The following KLHL13 variants were observed in gnomAD, a reference collection of about 807,000 sequenced individuals.
KLHL13 encodes the protein kelch-like protein 13.
A neutral mutation model predicts 37.1 loss-of-function variants in KLHL13; 10 were observed. The ratio of observed to expected loss-of-function variants is 0.27; its 90% CI spans 0.17 to 0.46. The LOEUF is 0.46. Among genes scored for constraint, KLHL13 ranks in the 20% least tolerant of loss-of-function variants. KLHL13 has a pLI of 1.00. For missense variants in KLHL13, 360 were observed against 509.3 expected, an observed-to-expected ratio of 0.71 and a Z score of 2.82; for synonymous variants, 163 against 181.2, an observed-to-expected ratio of 0.90 and a Z score of 0.81.
chrX:118,030,989 A>T (rs1034410385), intron 1 of KLHL13, among the ~76,000 whole-genome samples: 4 of 111,783 alleles, frequency 3.6e-5, no homozygotes, highest in African/African-American at 1.3e-4. Flanking sequence ...GGATATTCTT[A>T]TTCAGATTCT....
chrX:118,047,649 A>G (rs1020304829), intron 1 of KLHL13, among the ~76,000 whole-genome samples: 6 of 111,947 alleles, frequency 5.4e-5, no homozygotes, highest in African/African-American at 1.6e-4. Context: ...GGAAACAAAT[A>G]AATGCTATTT....
rs751783731 is a variant in KLHL13 at position 117,901,928 on chromosome X, T to C, written c.1385A>G (p.Asn462Ser). The change falls in exon 6 of 7, where the codon AAT (asparagine) becomes AGT (serine). Residue 462 changes from asparagine to serine, a missense_variant. Coordinates refer to ENST00000262820, the Ensembl canonical transcript of KLHL13. The stretch of plus-strand genomic sequence containing the variant: ...ATAGGTCCATTCATTTGTTCTTGGA[T>C]TGTAACATTCTACTGTGGCTGTTAA... 2 of 1,153,020 alleles carry C rather than the reference T, an allele frequency of 1.7e-6. No homozygotes were observed. Among genetic ancestry groups the C allele is most frequent in the African/African-American group, 1.8e-5 (1 of 56,307 alleles).
exon 7 of KLHL13, chrX:117,898,566 A>G (rs1177204651): frequency 6.4e-6 from 1 of 155,710 alleles, no homozygotes; most frequent in Non-Finnish European, 1.2e-5. Flanking sequence ...TCCACCTTCA[A>G]CTTGGCTTAT....
rs769775359 is a variant in KLHL13 at position 117,930,216 on chromosome X, A to AGAAG, written c.241-9850_241-9847dup. 2.5e-4 allele frequency among the ~76,000 whole-genome samples: 22 copies of AGAAG among 89,720 alleles called. 1 individual carries two copies. The highest frequency in any genetic ancestry group is 7.2e-4 in the East Asian group (2 of 2,771). 77.9% of individuals were successfully genotyped at this position (89,720 alleles called of 115,157 possible). Reference sequence around the variant, plus strand: ...GGAGGGCAAGAAAGGATGAAAAGGAAGAAGGAAGGAAGGAAGGAAGGAAGG... The same window carrying AGAAG: ...GGAGGGCAAGAAAGGATGAAAAGGAAGAAGGAAGGAAGGAAGGAAGGAAGGAAGG... On this transcript the variant is annotated intron_variant, in intron 2 of 6. Transcript: ENST00000262820.
chrX:117,904,852 T>G (rs1182698622), intron 5 of KLHL13, among the ~76,000 whole-genome samples: 1 of 111,680 alleles, frequency 9.0e-6, no homozygotes, highest in African/African-American at 3.3e-5. Context: ...ATCTAGAGAA[T>G]TAACTTCAGT....
In KLHL13 at chrX:118,104,098, T is replaced by C. The variant is rs769053017; in HGVS notation, c.-56+12410A>G. Among the ~76,000 whole-genome samples the C allele has an allele frequency of 5.7e-5, 6 of 105,211 alleles. No individual in the cohort carries two copies. In the East Asian group the frequency reaches 1.8e-3, roughly 31 times the overall value. The allele number at this position is 105,211 out of a possible 115,157, so 91.4% of individuals were successfully genotyped here. A position where few individuals can be genotyped will look rare whatever the true frequency, so the allele number is the denominator to read the frequency against. ...AATGCCAGGCATGGTGATGTGCGCC[T>C]GTGTTCCCAGCTACTCAGGAGGTTG... On this transcript the variant is annotated intron_variant, in intron 1 of 6. Coordinates refer to the KLHL13 transcript ENST00000371882.
intron 1 of KLHL13, among the ~76,000 whole-genome samples, chrX:118,091,852 T>C (rs1404782280): frequency 2.7e-5 from 3 of 111,780 alleles, no homozygotes; most frequent in Non-Finnish European, 5.6e-5. Context: ...CATGGAATAC[T>C]ACTCAGACAT....
intron 1 of KLHL13, among the ~76,000 whole-genome samples, chrX:118,077,301 G>C (rs1215290160): frequency 9.0e-6 from 1 of 110,724 alleles, no homozygotes; most frequent in Non-Finnish European, 1.9e-5. Context: ...GTATGCAGTG[G>C]GAATCTACAA....
intron 1 of KLHL13, among the ~76,000 whole-genome samples, chrX:118,101,221 A>C (rs1322400848): frequency 8.9e-6 from 1 of 112,060 alleles, no homozygotes; most frequent in African/African-American, 3.2e-5. Flanking sequence ...TAGCTACTGG[A>C]AAATACTCTA....
In KLHL13 at chrX:117,953,765, TA is replaced by T. The variant is rs200592201; in HGVS notation, c.99-8191del. Among the ~76,000 whole-genome samples the T allele has an allele frequency of 5.8e-3, 641 of 111,135 alleles. 5 individuals are homozygous for T. Among genetic ancestry groups the T allele is most frequent in the African/African-American group, 0.018 (548 of 30,663 alleles). ...ACTTAGCATTTCAATGCTTAATTTA[TA>T]AGCACAAGGAGGATATCAGAGAGAT... On this transcript the variant is annotated intron_variant, in intron 1 of 6. Transcript: ENST00000262820.
At chrX:117,978,206 A>G (rs1311623617), upstream of KLHL13, among the ~76,000 whole-genome samples, 1 of 112,495 alleles carries the variant, frequency 8.9e-6, no homozygotes, top group African/African-American at 3.2e-5. Context: ...CAAAGGTATC[A>G]AGAAATATAA....
rs772140201 is a variant in KLHL13, at chrX:117,995,937, T to C, written c.-55-50362A>G. Among the ~76,000 whole-genome samples the C allele has an allele frequency of 1.3e-4, 14 of 111,776 alleles. No individual in the cohort carries two copies. The East Asian group carries it at 3.1e-3, about 25-fold the overall frequency. Reference sequence around the variant, plus strand: ...TGGGCATTTGAGCTCTTTCCACCTTTGGGTATTGTGAATAGTCCCTCCCTG... The same window carrying C: ...TGGGCATTTGAGCTCTTTCCACCTTCGGGTATTGTGAATAGTCCCTCCCTG... On this transcript the variant is annotated intron_variant, in intron 1 of 6. Coordinates refer to the KLHL13 transcript ENST00000371882.
intron 1 of KLHL13, among the ~76,000 whole-genome samples, chrX:118,077,008 G>A (rs2054936855): frequency 9.1e-6 from 1 of 109,490 alleles, no homozygotes; most frequent in Non-Finnish European, 1.9e-5. Context: ...GACTAACACA[G>A]GGAGAAACAT....
rs151196763 is a variant in KLHL13, at chrX:118,068,480, T to C, written c.-56+48028A>G. On this transcript the variant is annotated intron_variant, in intron 1 of 6. Transcript: ENST00000371882. ...TAGGACTCCATCACCCCATCCCCCA[T>C]GTGAGATAACCTGGGAACCAGAAGG... Among the ~76,000 whole-genome samples, 629 of 111,084 alleles carry C rather than the reference T, an allele frequency of 5.7e-3. 5 individuals carry two copies. The highest frequency in any genetic ancestry group is 0.018 in the African/African-American group (534 of 30,504).
chrX:117,909,181 G>A, intron 5 of KLHL13, 120 bp downstream of exon 6: 1 of 631,516 alleles, frequency 1.6e-6, no homozygotes, highest in Non-Finnish European at 2.4e-6. Context: ...CAGAAAAATA[G>A]TTTTAAAATA....
At chrX:118,054,522 C>G (rs2054665436) in intron 1 of KLHL13, among the ~76,000 whole-genome samples, 1 of 111,624 alleles carries the variant, frequency 9.0e-6, no homozygotes, top group Non-Finnish European at 1.9e-5. Context: ...TAGCTGAAAT[C>G]TAAAGTCCGT....
At chrX:118,043,323 T>C (rs1250540633) in intron 1 of KLHL13, among the ~76,000 whole-genome samples, 2 of 111,300 alleles carry the variant, frequency 1.8e-5, no homozygotes, top group African/African-American at 6.5e-5. Context: ...GAAGAAATAA[T>C]GCCAATCCTA....
At chrX:117,949,438 G>A (rs1017372745) in intron 1 of KLHL13, among the ~76,000 whole-genome samples, 3 of 111,690 alleles carry the variant, frequency 2.7e-5, no homozygotes, top group African/African-American at 9.8e-5. Context: ...GTTTTCTTCA[G>A]TGAATCCCTC....
At chrX:118,020,347 T>C (rs1302859277) in intron 1 of KLHL13, among the ~76,000 whole-genome samples, 2 of 111,868 alleles carry the variant, frequency 1.8e-5, no homozygotes, top group Non-Finnish European at 3.8e-5. Context: ...TGATTTTGTA[T>C]CCTGAGACTT....
Sources: allele counts gnomAD v4.1 joint callset (sites outside exome capture counted in the v4.1 genomes callset), GRCh38; gene constraint gnomAD v4.1.1; transcripts MANE v1.5; gene names NCBI Gene and HGNC (gene_info 2026-07-23, HGNC 2026-07-21).